Variants in C2orf76 observed in about 807,000 individuals in gnomAD.
The protein encoded by C2orf76 is UPF0538 protein C2orf76.
In C2orf76, 23 loss-of-function variants were observed where a neutral mutation model predicts 16.9. The ratio of observed to expected loss-of-function variants is 1.36; its 90% CI spans 0.98 to 1.93. The LOEUF (loss-of-function observed/expected upper bound fraction) is 1.93, where lower values mean the gene tolerates loss of function less well. Among genes scored for constraint, C2orf76 ranks in the 30% most tolerant of loss-of-function variants. The pLI is 0.00. For missense variants in C2orf76, 152 were observed against 152.6 expected (o/e 1.00, Z 0.02); for synonymous variants, 48 against 52.3 (o/e 0.92, Z 0.35).
At chr2:119,291,244 T>C in the C2orf76 span, among the ~76,000 whole-genome samples, 2 of 151,898 alleles carry the variant, frequency 1.3e-5, no homozygotes, top group African/African-American at 4.8e-5. Flanking sequence ...GCCTGGCAGG[T>C]ATCTAGAATA....
intron 1 of C2orf76, among the ~76,000 whole-genome samples, chr2:119,364,804 C>T (rs1458873790): frequency 1.3e-5 from 2 of 152,080 alleles, no homozygotes; most frequent in Non-Finnish European, 2.9e-5. Flanking sequence ...CAAGGCCAGG[C>T]GCAGTGGCTC....
intron 1 of C2orf76, among the ~76,000 whole-genome samples, chr2:119,346,543 C>G (rs7569379): frequency 0.56 from 85,655 of 152,096 alleles, 24,473 homozygotes; most frequent in African/African-American, 0.61. Context: ...GTCTCAAAAG[C>G]TTGCATACTG....
intron 1 of C2orf76, among the ~76,000 whole-genome samples, chr2:119,362,488 G>A (rs575088483): frequency 6.6e-6 from 1 of 152,294 alleles, no homozygotes; most frequent in East Asian, 1.9e-4. Context: ...TTTGTCATGT[G>A]CAGCTAGGAG....
chr2:119,362,323 T>C (rs1263332684), intron 1 of C2orf76, among the ~76,000 whole-genome samples: 1 of 152,208 alleles, frequency 6.6e-6, no homozygotes, highest in East Asian at 1.9e-4. Context: ...AGTCAAAAGT[T>C]ACACACAGAT....
chr2:119,284,243 C>T, the C2orf76 span, among the ~76,000 whole-genome samples: 5 of 152,216 alleles, frequency 3.3e-5, no homozygotes, highest in Non-Finnish European at 7.3e-5. Context: ...GGGAATGTCA[C>T]ATCCCGCCTG....
the C2orf76 span, among the ~76,000 whole-genome samples, chr2:119,296,744 T>C: frequency 5.3e-5 from 8 of 152,222 alleles, no homozygotes; most frequent in Non-Finnish European, 8.8e-5. Flanking sequence ...ACATGAAACC[T>C]GGCCCAACTC....
At chr2:119,317,600 T>C (rs1679213366) in intron 3 of C2orf76, 97 bp from the exon 4 acceptor site, 1 of 879,104 alleles carries the variant, frequency 1.1e-6, no homozygotes, top group Non-Finnish European at 1.8e-6. Flanking sequence ...AATTGAGAAA[T>C]GTAAGTCCTT....
chr2:119,364,540 A>C (rs1680863766), intron 1 of C2orf76, among the ~76,000 whole-genome samples: 1 of 152,210 alleles, frequency 6.6e-6, no homozygotes, highest in African/African-American at 2.4e-5. Context: ...TATTCATTCA[A>C]CAACTATTTG....
intron 5 of C2orf76, among the ~76,000 whole-genome samples, chr2:119,306,440 C>T (rs908894508): frequency 2.0e-5 from 3 of 152,092 alleles, no homozygotes; most frequent in Non-Finnish European, 4.4e-5. Flanking sequence ...CCTGGCTTGC[C>T]GAGAATGCTT....
chr2:119,297,749 G>A (rs999503280), downstream of C2orf76, among the ~76,000 whole-genome samples: 7 of 151,852 alleles, frequency 4.6e-5, no homozygotes, highest in African/African-American at 9.7e-5. Context: ...CACTGGCCTC[G>A]GCCTCCCAAA....
chr2:119,322,749 G>A (rs982818299), intron 2 of C2orf76, among the ~76,000 whole-genome samples: 1 of 151,672 alleles, frequency 6.6e-6, no homozygotes, highest in East Asian at 1.9e-4. Flanking sequence ...TTACATCAAG[G>A]CTAAAGAGAT....
At chr2:119,312,026 G>A (rs1004066781) in intron 4 of C2orf76, among the ~76,000 whole-genome samples, 1 of 152,118 alleles carries the variant, frequency 6.6e-6, no homozygotes, top group Non-Finnish European at 1.5e-5. Context: ...TGGTAGAAAA[G>A]GGGAGGAGAG....
At chr2:119,290,824 C>T in the C2orf76 span, among the ~76,000 whole-genome samples, 6 of 151,840 alleles carry the variant, frequency 4.0e-5, no homozygotes, top group East Asian at 1.9e-4. Context: ...AGTGAGACTC[C>T]GCCTCAAAAA....
In C2orf76 at chr2:119,358,800, A is replaced by C. The variant is rs1377136334; in HGVS notation, c.-13+7990T>G. Among the ~76,000 whole-genome samples the C allele has an allele frequency of 2.6e-5, 4 of 152,186 alleles. No individual in the cohort carries two copies. In the East Asian group the frequency reaches 5.8e-4, roughly 22 times the overall value. ...GTTGGTTCATGATGTTTAAGGAAAG[A>C]AGCAGTCTCCATAACAAAAAAAGTG... On this transcript the variant is annotated intron_variant, in intron 1 of 5. Coordinates refer to ENST00000334816, the MANE Select transcript of C2orf76 (RefSeq NM_001322331.2).
chr2:119,309,351 G>A (rs573617392), intron 5 of C2orf76, among the ~76,000 whole-genome samples: 1 of 150,334 alleles, frequency 6.7e-6, no homozygotes, highest in Admixed American at 6.6e-5. Context: ...TAATTACAAG[G>A]GCTCTTTATA....
intron 1 of C2orf76, among the ~76,000 whole-genome samples, chr2:119,357,669 G>A (rs903961381): frequency 1.3e-5 from 2 of 150,512 alleles, no homozygotes; most frequent in Non-Finnish European, 2.9e-5. Context: ...CCTAAGATCA[G>A]GAACAAGGAA....
chr2:119,348,601 G>T (rs946639419), intron 1 of C2orf76, among the ~76,000 whole-genome samples: 1 of 152,122 alleles, frequency 6.6e-6, no homozygotes, highest in African/African-American at 2.4e-5. Flanking sequence ...AAGGAGATTC[G>T]CTTGAACCGG....
At chr2:119,306,982 A>G (rs961307605) in intron 5 of C2orf76, among the ~76,000 whole-genome samples, 4 of 152,018 alleles carry the variant, frequency 2.6e-5, no homozygotes, top group Non-Finnish European at 4.4e-5. Flanking sequence ...TAAATTTGTT[A>G]CCCTGGCATT....
intron 1 of C2orf76, among the ~76,000 whole-genome samples, chr2:119,360,746 A>G (rs2104652710): frequency 6.6e-6 from 1 of 152,312 alleles, no homozygotes; most frequent in South Asian, 2.1e-4. Context: ...AATAGCCTTC[A>G]AAGAGTGAAT....
Sources: gnomAD v4.1 joint callset for allele counts (sites outside exome capture counted in the v4.1 genomes callset) on GRCh38, gnomAD v4.1.1 for gene constraint, MANE v1.5 for transcripts, NCBI Gene and HGNC (gene_info 2026-07-23, HGNC 2026-07-21) for gene names.